The following SNTG2 variants were observed in gnomAD, a reference collection of about 807,000 sequenced individuals.
The protein encoded by SNTG2 is gamma-2-syntrophin.
In SNTG2, 74 loss-of-function variants were observed where a neutral mutation model predicts 70.9. That is an observed-to-expected ratio of 1.04 (90% confidence interval 0.86 to 1.27). SNTG2 has a LOEUF of 1.27. SNTG2 is among the 50% of genes most tolerant of loss of function. SNTG2 has a pLI of 0.00. For missense variants in SNTG2, 717 were observed against 690.7 expected (o/e 1.04, Z -0.43); for synonymous variants, 278 against 273.8 (o/e 1.02, Z -0.15).
At chr2:959,692 C>G (rs1310467379) in intron 1 of SNTG2, among the ~76,000 whole-genome samples, 1 of 147,600 alleles carries the variant, frequency 6.8e-6, no homozygotes, top group African/African-American at 2.5e-5. Context: ...CAGGCCTTGC[C>G]TTTGTGACCC....
intron 1 of SNTG2, among the ~76,000 whole-genome samples, chr2:1,024,296 T>C (rs1000560416): frequency 6.6e-6 from 1 of 152,252 alleles, no homozygotes; most frequent in African/African-American, 2.4e-5. Flanking sequence ...CCATACATGA[T>C]GTGATGTGAC....
intron 14 of SNTG2, among the ~76,000 whole-genome samples, chr2:1,306,704 G>GTGTGTGTA (rs1680690108): frequency 2.0e-5 from 3 of 151,868 alleles, no homozygotes; most frequent in Non-Finnish European, 4.4e-5. Flanking sequence ...GTGTGTGTGT[G>GTGTGTGTA]TGTGTGCCAT....
chr2:1,346,384 A>T (rs1225074407), intron 16 of SNTG2: 1 of 152,234 alleles, frequency 6.6e-6, no homozygotes, highest in Non-Finnish European at 1.5e-5. Context: ...CCCTGACCAC[A>T]GGGTGCACAG....
chr2:1,022,329 C>T (rs774786656), intron 1 of SNTG2, among the ~76,000 whole-genome samples: 7 of 151,688 alleles, frequency 4.6e-5, no homozygotes, highest in Non-Finnish European at 1.0e-4. Context: ...CTCACGTGAA[C>T]CACCTGTGTT....
chr2:1,197,359 C>T (rs1290719578), intron 8 of SNTG2, among the ~76,000 whole-genome samples: 1 of 147,526 alleles, frequency 6.8e-6, no homozygotes, highest in Non-Finnish European at 1.5e-5. Flanking sequence ...AAGTCAAAAA[C>T]AAAAAAAAGA....
chr2:1,176,106 C>G (rs1671458058), intron 8 of SNTG2, among the ~76,000 whole-genome samples: 1 of 152,172 alleles, frequency 6.6e-6, no homozygotes, highest in South Asian at 2.1e-4. Flanking sequence ...TCCTCCTTAT[C>G]AGCAAGAGAA....
chr2:1,115,655 G>A (rs75972723), intron 4 of SNTG2, among the ~76,000 whole-genome samples: 1 of 151,648 alleles, frequency 6.6e-6, no homozygotes, highest in Non-Finnish European at 1.5e-5. Context: ...GTCCTTTGAG[G>A]AGGATCGTGT....
In SNTG2 at chr2:1,239,730, C is replaced by T; in HGVS notation, c.850-8C>T. The stretch of plus-strand genomic sequence containing the variant: ...TGTGGCCCTGACTCTTCTGCCTTCT[C>T]TCCACAGATGAAGATGGCGAACAAA... On this transcript the variant is annotated splice_region_variant and splice_polypyrimidine_tract_variant and intron_variant, in intron 10 of 16. Coordinates refer to ENST00000308624, the MANE Select transcript of SNTG2 (RefSeq NM_018968.4). The T allele has an allele frequency of 1.2e-6, 2 of 1,613,212 alleles. No homozygotes were observed. Among genetic ancestry groups the T allele is most frequent in the Non-Finnish European group, 1.7e-6 (2 of 1,179,664 alleles).
chr2:1,011,625 A>C (rs1473506796), intron 1 of SNTG2, among the ~76,000 whole-genome samples: 1 of 152,172 alleles, frequency 6.6e-6, no homozygotes, highest in Non-Finnish European at 1.5e-5. Context: ...CCTTGAGGAA[A>C]GTTTCAAATA....
At chr2:1,117,458 A>G (rs1365449088) in intron 4 of SNTG2, among the ~76,000 whole-genome samples, 1 of 152,182 alleles carries the variant, frequency 6.6e-6, no homozygotes, top group African/African-American at 2.4e-5. Context: ...AAATTCAGCA[A>G]AACAGATGAA....
intron 1 of SNTG2, among the ~76,000 whole-genome samples, chr2:971,541 C>T (rs1212682238): frequency 6.6e-6 from 1 of 151,154 alleles, no homozygotes; most frequent in African/African-American, 2.4e-5. Flanking sequence ...TAGATCTTTT[C>T]TCTTTTTTTA....
intron 16 of SNTG2, among the ~76,000 whole-genome samples, chr2:1,360,707 G>A (rs1027210278): frequency 6.6e-6 from 1 of 151,820 alleles, no homozygotes; most frequent in Non-Finnish European, 1.5e-5. Flanking sequence ...GACAGAAGCA[G>A]CAAACATACG....
At chr2:1,232,088 G>A (rs28438944) in intron 9 of SNTG2, among the ~76,000 whole-genome samples, 5 of 152,076 alleles carry the variant, frequency 3.3e-5, no homozygotes, top group Non-Finnish European at 7.4e-5. Context: ...CACGGATGGG[G>A]CCTCCTGCCT....
intron 1 of SNTG2, among the ~76,000 whole-genome samples, chr2:998,164 A>C (rs1224237976): frequency 6.6e-6 from 1 of 152,222 alleles, no homozygotes; most frequent in Non-Finnish European, 1.5e-5. Context: ...ATTCATCCAA[A>C]TGAAAGTAAA....
rs1274007126 is a variant in SNTG2 at position 1,267,518 on chromosome 2, A to G, written c.1231A>G (p.Met411Val). The change falls in exon 14 of 17, where the codon ATG becomes GTG. Residue 411 changes from methionine to valine, a missense_variant. Physicochemically the swap from Met to Val is conservative, Grantham distance 21. Transcript: ENST00000308624. ...CGTGGAGCTTGGCAGCGAGCTGGCC[A>G]TGTGGGAGAAGTCCTTCCAAAGAGC... ...FNVELGSELA[M>V]WEKSFQRATF... is the part of the protein sequence containing the mutation. 5.0e-6 allele frequency: 8 copies of G among 1,613,832 alleles called. No homozygotes were observed. The highest frequency in any genetic ancestry group is 1.3e-5 in the African/African-American group (1 of 75,076).
chr2:984,223 G>A (rs1320134114), intron 1 of SNTG2, among the ~76,000 whole-genome samples: 2 of 149,946 alleles, frequency 1.3e-5, no homozygotes, highest in Non-Finnish European at 3.0e-5. Context: ...CACTTATTTC[G>A]AACAGCCTTC....
chr2:1,316,962 T>C (rs1350448848), intron 16 of SNTG2, among the ~76,000 whole-genome samples: 1 of 129,450 alleles, frequency 7.7e-6, no homozygotes, highest in Non-Finnish European at 1.6e-5. Context: ...GCATTGAGCA[T>C]CAGGCCAGCA....
At chr2:997,251 C>G (rs1156803414) in intron 1 of SNTG2, among the ~76,000 whole-genome samples, 2 of 152,190 alleles carry the variant, frequency 1.3e-5, no homozygotes, top group Middle Eastern at 3.2e-3. Flanking sequence ...GGTGCCCTCT[C>G]TAAGCACGTG....
intron 8 of SNTG2, among the ~76,000 whole-genome samples, chr2:1,184,352 A>AAAAAAT (rs10678032): frequency 0.34 from 50,989 of 151,616 alleles, 8,981 homozygotes; most frequent in East Asian, 0.65. Flanking sequence ...ATGAGTGAGC[A>AAAAAAT]AAAAATAAAA....
Sources: gnomAD v4.1 joint callset for allele counts (sites outside exome capture counted in the v4.1 genomes callset) on GRCh38, gnomAD v4.1.1 for gene constraint, MANE v1.5 for transcripts, NCBI Gene and HGNC (gene_info 2026-07-23, HGNC 2026-07-21) for gene names.